Variants in BST1 observed in about 807,000 individuals in gnomAD.
BST1 encodes the protein bone marrow stromal cell antigen 1, also known as ADP-ribosyl cyclase/cyclic ADP-ribose hydrolase 2.
BST1 carries 49 observed loss-of-function variants against 40.6 expected under a neutral mutation model. The ratio of observed to expected loss-of-function variants is 1.21; its 90% CI spans 0.96 to 1.53. The LOEUF (loss-of-function observed/expected upper bound fraction) is 1.53. BST1 is among the 40% of genes most tolerant of loss of function. The pLI, the probability that BST1 is intolerant of heterozygous loss-of-function variation, is 0.00. For synonymous variants in BST1, 157 were observed against 159.3 expected, an observed-to-expected ratio of 0.99 and a Z score of 0.11; for missense variants, 423 against 395.9, an observed-to-expected ratio of 1.07 and a Z score of -0.58.
chr4:15,728,702 G>C (rs1180040339), intron 8 of BST1, among the ~76,000 whole-genome samples: 1 of 149,682 alleles, frequency 6.7e-6, no homozygotes, highest in Admixed American at 6.7e-5. Flanking sequence ...GAGTTCAGTG[G>C]CTTGATCTTG....
chr4:15,703,449 G>C (rs978023449), intron 1 of BST1, 117 bp downstream of exon 1: 15 of 1,422,708 alleles, frequency 1.1e-5, no homozygotes, highest in Non-Finnish European at 1.1e-5. Flanking sequence ...GAGGCCTTGA[G>C]GGGAGAGGTG....
At chr4:15,765,300 C>T in the BST1 span, among the ~76,000 whole-genome samples, 940 of 152,098 alleles carry the variant, frequency 6.2e-3, 20 homozygotes, top group African/African-American at 0.021. Flanking sequence ...TTTACTCTAT[C>T]GGCAAATCCG....
the BST1 span, among the ~76,000 whole-genome samples, chr4:15,757,212 T>G: frequency 5.3e-5 from 8 of 152,186 alleles, no homozygotes; most frequent in Non-Finnish European, 8.8e-5. Context: ...CTATATAAGC[T>G]TCAATCATCT....
At chr4:15,714,064 A>C (rs1720375647) in intron 4 of BST1, among the ~76,000 whole-genome samples, 1 of 152,064 alleles carries the variant, frequency 6.6e-6, no homozygotes, top group Non-Finnish European at 1.5e-5. Flanking sequence ...TGCTCATAAT[A>C]GTGAATGACA....
downstream of BST1, among the ~76,000 whole-genome samples, chr4:15,735,764 C>T (rs908650205): frequency 3.9e-5 from 6 of 152,206 alleles, no homozygotes; most frequent in African/African-American, 1.4e-4. Flanking sequence ...TGTCTGCTGC[C>T]TTCATGTTGC....
At chr4:15,715,558 C>A in intron 5 of BST1, 149 bp from the exon 6 acceptor site, 1 of 766,162 alleles carries the variant, frequency 1.3e-6, no homozygotes. Context: ...CTGATGAATA[C>A]AGGAATAAAA....
chr4:15,765,061 C>T, the BST1 span, among the ~76,000 whole-genome samples: 1 of 151,940 alleles, frequency 6.6e-6, no homozygotes. Context: ...GTCAGTACTA[C>T]TTACCTCATG....
At chr4:15,704,253 G>GAT (rs1719748696) in intron 1 of BST1, among the ~76,000 whole-genome samples, 1 of 140,832 alleles carries the variant, frequency 7.1e-6, no homozygotes. Context: ...CTAGAGATGA[G>GAT]GTGTGTATGT....
the BST1 span, among the ~76,000 whole-genome samples, chr4:15,759,711 CAT>C: frequency 7.7e-6 from 1 of 129,380 alleles, no homozygotes; most frequent in Non-Finnish European, 1.7e-5. Context: ...CAGGGGGTGT[CAT>C]GGGGTACAGC....
chr4:15,720,475 C>T (rs1288250935), intron 7 of BST1, among the ~76,000 whole-genome samples: 2 of 151,418 alleles, frequency 1.3e-5, no homozygotes, highest in Non-Finnish European at 2.9e-5. Context: ...AAATTAGCCG[C>T]GTGTGGTGAC....
At chr4:15,731,382 A>G (rs1020222710) in intron 8 of BST1, 12 of 537,450 alleles carry the variant, frequency 2.2e-5, no homozygotes, top group African/African-American at 7.7e-5. Context: ...CATGTGGTGG[A>G]AATCCACAGG....
Position 15,732,257 on chromosome 4 carries a change from G to A in BST1, c.*412G>A, listed in dbSNP as rs747034806. 7 of 341,548 alleles carry A rather than the reference G, an allele frequency of 2.0e-5. No homozygotes were observed. The highest frequency in any genetic ancestry group is 2.9e-5 in the Non-Finnish European group (7 of 240,784). The allele number at this position is 341,548 out of a possible 1,614,324, so 21.2% of individuals were successfully genotyped here. A position where few individuals can be genotyped will look rare whatever the true frequency, so the allele number is the denominator to read the frequency against. ...ACATATGTATACTATATAAATGTATGCATATATGGTCTGCAAAGTTTTCAT... is the reference window on the plus strand; with the variant it reads ...ACATATGTATACTATATAAATGTATACATATATGGTCTGCAAAGTTTTCAT... On this transcript the variant is annotated 3_prime_UTR_variant, in exon 9 of 9. Coordinates refer to ENST00000265016, the MANE Select transcript of BST1 (RefSeq NM_004334.3).
intron 7 of BST1, among the ~76,000 whole-genome samples, chr4:15,720,349 T>G (rs1720742627): frequency 6.6e-6 from 1 of 152,132 alleles, no homozygotes; most frequent in African/African-American, 2.4e-5. Flanking sequence ...CCGAGTGCAG[T>G]GGCTCATACC....
chr4:15,750,692 A>C, the BST1 span, among the ~76,000 whole-genome samples: 3 of 152,232 alleles, frequency 2.0e-5, no homozygotes, highest in South Asian at 6.2e-4. Flanking sequence ...AAGATAAAAG[A>C]ATATAAAATA....
the BST1 span, among the ~76,000 whole-genome samples, chr4:15,747,735 T>C: frequency 1.2e-4 from 18 of 152,332 alleles, no homozygotes; most frequent in South Asian, 1.4e-3. Context: ...AGTGGTCCCA[T>C]CATGGCTCAC....
At chr4:15,751,128 G>A in the BST1 span, among the ~76,000 whole-genome samples, 2 of 152,186 alleles carry the variant, frequency 1.3e-5, no homozygotes, top group Non-Finnish European at 2.9e-5. Context: ...ACTAGAGCAG[G>A]GGTGGTGCAT....
chr4:15,704,342 G>C (rs1466051167), intron 1 of BST1, among the ~76,000 whole-genome samples: 1 of 150,286 alleles, frequency 6.7e-6, no homozygotes, highest in Non-Finnish European at 1.5e-5. Flanking sequence ...GTGTGTTCTA[G>C]AGATGATGGG....
rs982187567 is a variant in BST1 at position 15,715,377 on chromosome 4, C to T, written c.611+16C>T. On this transcript the variant is annotated intron_variant, in intron 5 of 8. Transcript: ENST00000265016. The stretch of plus-strand genomic sequence containing the variant: ...CCATCAAAGGGTAAGAACACCAGCA[C>T]ATTCAAACACAAGAGAGAATGCCAA... The T allele has an allele frequency of 6.2e-7, 1 of 1,611,364 alleles. No homozygotes were observed. Among genetic ancestry groups the T allele is most frequent in the Non-Finnish European group, 8.5e-7 (1 of 1,177,668 alleles).
the BST1 span, among the ~76,000 whole-genome samples, chr4:15,754,019 T>C: frequency 1.3e-5 from 2 of 152,104 alleles, no homozygotes; most frequent in Admixed American, 1.3e-4. Context: ...GAGAGCCTCC[T>C]GGGGCTGGAT....
Sources: gnomAD v4.1 joint callset for allele counts (sites outside exome capture counted in the v4.1 genomes callset) on GRCh38, gnomAD v4.1.1 for gene constraint, MANE v1.5 for transcripts, NCBI Gene and HGNC (gene_info 2026-07-23, HGNC 2026-07-21) for gene names.